The following ATR variants were observed in gnomAD, a reference collection of about 807,000 sequenced individuals.
ATR encodes serine/threonine-protein kinase ATR.
ATR carries 142 observed loss-of-function variants against 305.3 expected under a neutral mutation model. The observed-to-expected ratio is 0.47, with a 90% CI of 0.41 to 0.53. ATR has a LOEUF of 0.53. ATR is among the 20% of genes least tolerant of loss of function. The pLI is 0.00. For synonymous variants in ATR, 1,050 were observed against 1,068.1 expected, an observed-to-expected ratio of 0.98 and a Z score of 0.33; for missense variants, 2,135 against 3,133.1, an observed-to-expected ratio of 0.68 and a Z score of 7.60.
chr3:142,553,546 C>T (rs2108463832), intron 12 of ATR, 94 bp downstream of exon 12: 1 of 1,447,360 alleles, frequency 6.9e-7, no homozygotes, highest in Admixed American at 1.9e-5. Flanking sequence ...TCTATAATAT[C>T]ACAAATATCA....
chr3:142,555,663 A>C (rs1245652371), intron 10 of ATR, among the ~76,000 whole-genome samples: 1 of 152,194 alleles, frequency 6.6e-6, no homozygotes, highest in Non-Finnish European at 1.5e-5. Context: ...AAATCACAAG[A>C]GTATTCGAAA....
intron 13 of ATR, among the ~76,000 whole-genome samples, chr3:142,552,182 C>T (rs1402771101): frequency 3.3e-5 from 5 of 152,048 alleles, no homozygotes; most frequent in African/African-American, 1.2e-4. Flanking sequence ...GCTTTTATAC[C>T]GTTGGTGGGA....
chr3:142,480,529 G>A (rs1047838537), intron 36 of ATR, among the ~76,000 whole-genome samples: 10 of 152,318 alleles, frequency 6.6e-5, no homozygotes, highest in African/African-American at 2.4e-4. Flanking sequence ...GGCTACTCAG[G>A]TGTCAGGGTC....
chr3:142,449,779 T>C (rs2108243214), intron 46 of ATR, 177 bp from the exon 47 acceptor site: 1 of 672,230 alleles, frequency 1.5e-6, no homozygotes, highest in East Asian at 2.8e-5. Flanking sequence ...GTGATACTGA[T>C]TTGGAGGCTC....
In ATR at chr3:142,558,763, A is replaced by C. The variant is rs889485390; in HGVS notation, c.1746T>G (p.Phe582Leu). ...ATAAATCTTCCAGGATATGATCTTC[A>C]AATGAACTGTTTACTACAGAAGCAC... ...ALIYMQVNSSFEDHILEDLCG... is the reference protein window; with the variant it reads ...ALIYMQVNSSLEDHILEDLCG... Residue 582 changes from phenylalanine to leucine, a missense_variant, in exon 8 of 47, where the codon TTT becomes TTG. Phe to Leu is a conservative substitution (Grantham distance 22, BLOSUM62 0). Transcript: ENST00000350721. 4.4e-6 allele frequency: 7 copies of C among 1,608,840 alleles called. No homozygotes were observed. The South Asian group carries it at 5.5e-5, about 13-fold the overall frequency.
rs2108451471 is a variant in ATR, at chr3:142,547,839, C to G, written c.3243G>C (p.Leu1081=). Residue 1081 remains leucine (L), a synonymous_variant, in exon 16 of 47, where the codon CTG becomes CTC. Coordinates refer to ENST00000350721, the MANE Select transcript of ATR (RefSeq NM_001184.4). ...DFQGLHNELL[L]RIGEHYQQVF... ...CCTGTTGATAGTGTTCTCCAATACG[C>G]AGCAATAATTCATTATGCAATCCTT... is the stretch of plus-strand genomic sequence containing the variant. 6.2e-7 allele frequency: 1 copy of G among 1,613,906 alleles called. No homozygotes were observed. Among genetic ancestry groups the G allele is most frequent in the Non-Finnish European group, 8.5e-7 (1 of 1,179,884 alleles).
chr3:142,462,684 G>A (rs2071045909), intron 41 of ATR, among the ~76,000 whole-genome samples: 1 of 152,060 alleles, frequency 6.6e-6, no homozygotes, highest in East Asian at 1.9e-4. Flanking sequence ...TAGCCAGGAT[G>A]GTCTCGATCT....
Position 142,505,767 on chromosome 3 carries a change from T to A in ATR, c.5032-464A>T, listed in dbSNP as rs535022667. Among the ~76,000 whole-genome samples the A allele has an allele frequency of 4.6e-5, 7 of 152,176 alleles. No homozygotes were observed. The East Asian group carries it at 1.3e-3, about 29-fold the overall frequency. Reference sequence around the variant, plus strand: ...CTAAAGATAAAAATTTAGGAATCAGTTAGCACAAAGACAGTCTCTCACAAC... The same window carrying A: ...CTAAAGATAAAAATTTAGGAATCAGATAGCACAAAGACAGTCTCTCACAAC... On this transcript the variant is annotated intron_variant, in intron 28 of 46. Coordinates refer to ENST00000350721, the MANE Select transcript of ATR (RefSeq NM_001184.4).
At chr3:142,537,700 C>T (rs893326873) in intron 19 of ATR, among the ~76,000 whole-genome samples, 1 of 151,996 alleles carries the variant, frequency 6.6e-6, no homozygotes, top group African/African-American at 2.4e-5. Flanking sequence ...CCCAACTTTT[C>T]ACAAGCAAAG....
chr3:142,551,909 T>A (rs1375543063), intron 13 of ATR, among the ~76,000 whole-genome samples: 2 of 152,186 alleles, frequency 1.3e-5, no homozygotes, highest in Non-Finnish European at 2.9e-5. Context: ...AGAAAATGTT[T>A]GCAATCTATT....
chr3:142,528,094 A>G (rs955845873), intron 21 of ATR, among the ~76,000 whole-genome samples: 1 of 152,352 alleles, frequency 6.6e-6, no homozygotes, highest in Admixed American at 6.5e-5. Flanking sequence ...TTCAGTTTGT[A>G]GTACTTTGTT....
In ATR at chr3:142,547,327, G is replaced by C. The variant is rs369100423; in HGVS notation, c.3357+398C>G. On this transcript the variant is annotated intron_variant, in intron 16 of 46. Coordinates refer to ENST00000350721, the MANE Select transcript of ATR (RefSeq NM_001184.4). ...AGTAGTCGGAGGGGCAGGGTGAGAG[G>C]AGAGCTACAAACATATTCTAATATA... 1.2e-4 allele frequency among the ~76,000 whole-genome samples: 18 copies of C among 152,208 alleles called. No individual in the cohort carries two copies. In the East Asian group the frequency reaches 1.9e-3, roughly 16 times the overall value.
intron 1 of ATR, among the ~76,000 whole-genome samples, chr3:142,576,096 G>A (rs1247783070): frequency 6.6e-6 from 1 of 152,188 alleles, no homozygotes; most frequent in Non-Finnish European, 1.5e-5. Context: ...AAGAAATTCT[G>A]GTGGTAGCAG....
intron 1 of ATR, among the ~76,000 whole-genome samples, chr3:142,568,687 G>A (rs917037312): frequency 1.3e-5 from 2 of 152,224 alleles, no homozygotes; most frequent in African/African-American, 2.4e-5. Flanking sequence ...TTCCAGGGCC[G>A]GGAAGGCCCC....
intron 42 of ATR, among the ~76,000 whole-genome samples, chr3:142,461,458 A>C (rs2071022398): frequency 6.6e-6 from 1 of 152,134 alleles, no homozygotes; most frequent in Non-Finnish European, 1.5e-5. Flanking sequence ...GGGTTATAAT[A>C]GTTTACAATC....
Position 142,556,144 on chromosome 3 carries a change from G to T in ATR, c.2079-5C>A, listed in dbSNP as rs1297371924. On this transcript the variant is annotated splice_polypyrimidine_tract_variant and splice_region_variant and intron_variant, in intron 9 of 46. Coordinates refer to ENST00000350721, the MANE Select transcript of ATR (RefSeq NM_001184.4). The stretch of plus-strand genomic sequence containing the variant: ...GAATCATCTTTGACTTTATCTCTGG[G>T]GAAAAAAAAGAAAAAGTACTAAACT... 1 of 1,607,354 alleles carries T rather than the reference G, an allele frequency of 6.2e-7. No homozygotes were observed. The highest frequency in any genetic ancestry group is 1.1e-5 in the South Asian group (1 of 89,456).
At position 142,491,707 on chromosome 3, in the gene ATR, A is replaced by G. The variant is rs982592901; in HGVS notation, c.6078+1425T>C. 2.0e-5 allele frequency among the ~76,000 whole-genome samples: 3 copies of G among 152,224 alleles called. No homozygotes were observed. In the South Asian group the frequency reaches 6.2e-4, roughly 32 times the overall value. On this transcript the variant is annotated intron_variant, in intron 35 of 46. Transcript: ENST00000350721. The stretch of plus-strand genomic sequence containing the variant: ...CATGACATCTTCTTGTAACCAAGGA[A>G]CAGGAGCTGGACTCCTATTTATCTT...
chr3:142,563,861 C>T (rs1290381262), intron 3 of ATR, among the ~76,000 whole-genome samples: 9 of 152,140 alleles, frequency 5.9e-5, no homozygotes, highest in Non-Finnish European at 8.8e-5. Context: ...CTCCACTGAA[C>T]GCACCATTGA....
intron 39 of ATR, 138 bp from the exon 40 acceptor site, chr3:142,466,671 A>C (rs1577507938): frequency 1.3e-6 from 1 of 780,422 alleles, no homozygotes; most frequent in Non-Finnish European, 2.0e-6. Context: ...ATCCCATTTT[A>C]ACCTCTGTCA....
Sources: gnomAD v4.1 joint callset for allele counts (sites outside exome capture counted in the v4.1 genomes callset) on GRCh38, gnomAD v4.1.1 for gene constraint, MANE v1.5 for transcripts, NCBI Gene and HGNC (gene_info 2026-07-23, HGNC 2026-07-21) for gene names.